Variants in MYO1D observed in about 807,000 individuals in gnomAD.
The protein encoded by MYO1D is unconventional myosin-Id.
Under a neutral mutation model 122.0 loss-of-function variants are expected in MYO1D, and 83 were observed. The ratio of observed to expected loss-of-function variants is 0.68; its 90% CI spans 0.57 to 0.82. MYO1D has a LOEUF of 0.82. MYO1D is among the 40% of genes least tolerant of loss of function. The pLI is 0.00. For synonymous variants in MYO1D, 464 were observed against 446.9 expected (o/e 1.04, Z -0.48); for missense variants, 1,157 against 1,269.5 (o/e 0.91, Z 1.35).
At chr17:32,786,531 A>G (rs865983627) in intron 1 of MYO1D, among the ~76,000 whole-genome samples, 1 of 152,166 alleles carries the variant, frequency 6.6e-6, no homozygotes, top group Non-Finnish European at 1.5e-5. Flanking sequence ...AAAGATGACA[A>G]TCATTAGGCC....
intron 21 of MYO1D, among the ~76,000 whole-genome samples, chr17:32,532,137 A>G (rs1910523435): frequency 6.6e-6 from 1 of 152,216 alleles, no homozygotes; most frequent in African/African-American, 2.4e-5. Flanking sequence ...ACAATTTCCA[A>G]TTTAAGCGGT....
intron 21 of MYO1D, among the ~76,000 whole-genome samples, chr17:32,544,202 C>A (rs1910943785): frequency 6.6e-6 from 1 of 150,644 alleles, no homozygotes; most frequent in Non-Finnish European, 1.5e-5. Flanking sequence ...CTCAGGTGAT[C>A]CTCCCGCCTC....
intron 19 of MYO1D, among the ~76,000 whole-genome samples, chr17:32,645,558 G>A (rs1262968861): frequency 6.6e-6 from 1 of 151,990 alleles, no homozygotes; most frequent in Non-Finnish European, 1.5e-5. Flanking sequence ...CGGAGATTTG[G>A]TCTTTTCACA....
chr17:32,538,698 A>C (rs1047967249), intron 21 of MYO1D, among the ~76,000 whole-genome samples: 5 of 152,140 alleles, frequency 3.3e-5, no homozygotes, highest in African/African-American at 1.2e-4. Flanking sequence ...AATCAACCCA[A>C]ATGACCATCA....
chr17:32,792,088 A>C (rs904242171), intron 1 of MYO1D, among the ~76,000 whole-genome samples: 1 of 152,246 alleles, frequency 6.6e-6, no homozygotes, highest in Non-Finnish European at 1.5e-5. Context: ...TAATATATTT[A>C]ATCAGTCCCT....
In MYO1D at chr17:32,712,064, C is replaced by T. The variant is rs750758460; in HGVS notation, c.2045G>A (p.Arg682Gln). The T allele has an allele frequency of 3.9e-5, 63 of 1,613,882 alleles. No homozygotes were observed. Among genetic ancestry groups the T allele is most frequent in the Non-Finnish European group, 5.1e-5 (60 of 1,180,008 alleles). The change falls in exon 16 of 22, where the codon CGA (arginine) becomes CAA (glutamine). Residue 682 changes from arginine to glutamine, a missense_variant. Arg to Gln is a conservative substitution (Grantham distance 43). Transcript: ENST00000318217. ...VAYGKTKIFI[R>Q]TPRTLFTLEE... is the part of the protein sequence containing the mutation. ...CAAGGTAAACAATGTTCGGGGTGTT[C>T]GAATGAAAATTTTGGTCTTCCCATA...
intron 21 of MYO1D, among the ~76,000 whole-genome samples, chr17:32,554,873 G>A (rs189164591): frequency 6.6e-6 from 1 of 152,206 alleles, no homozygotes; most frequent in African/African-American, 2.4e-5. Flanking sequence ...CTTTTCAAAC[G>A]GGCCAATTAA....
chr17:32,551,404 T>C (rs955164164), intron 21 of MYO1D, among the ~76,000 whole-genome samples: 4 of 152,188 alleles, frequency 2.6e-5, no homozygotes, highest in African/African-American at 9.7e-5. Flanking sequence ...GACTTGGCCA[T>C]GTCTTTTTCT....
intron 21 of MYO1D, among the ~76,000 whole-genome samples, chr17:32,602,173 C>G (rs1333242182): frequency 6.6e-6 from 1 of 152,180 alleles, no homozygotes; most frequent in Non-Finnish European, 1.5e-5. Context: ...CTCTAGTTAA[C>G]TTATAAACAT....
intron 21 of MYO1D, chr17:32,495,395 C>T (rs1434772928): frequency 6.5e-6 from 1 of 153,490 alleles, no homozygotes; most frequent in Non-Finnish European, 1.4e-5. Flanking sequence ...TTGGGTTTCC[C>T]CAAGCGAGAG....
intron 16 of MYO1D, among the ~76,000 whole-genome samples, chr17:32,684,526 T>G (rs144633479): frequency 2.6e-5 from 4 of 152,206 alleles, no homozygotes; most frequent in African/African-American, 9.6e-5. Flanking sequence ...ATATCTTTAT[T>G]TGAAGTTTAA....
At chr17:32,839,437 G>C (rs2090856833) in intron 1 of MYO1D, among the ~76,000 whole-genome samples, 1 of 152,226 alleles carries the variant, frequency 6.6e-6, no homozygotes, top group African/African-American at 2.4e-5. Context: ...GAGAATTTAA[G>C]TGCTTTTAAA....
At chr17:32,776,777 T>C (rs1416411140) in intron 3 of MYO1D, among the ~76,000 whole-genome samples, 6 of 152,250 alleles carry the variant, frequency 3.9e-5, no homozygotes, top group Non-Finnish European at 7.3e-5. Flanking sequence ...AGCCATTTAA[T>C]GCATTCTTTA....
intron 1 of MYO1D, among the ~76,000 whole-genome samples, chr17:32,796,471 G>A (rs754991157): frequency 2.0e-5 from 3 of 152,154 alleles, no homozygotes; most frequent in Non-Finnish European, 4.4e-5. Flanking sequence ...CAGAGCAGTG[G>A]CATGATCGCA....
intron 16 of MYO1D, among the ~76,000 whole-genome samples, chr17:32,688,248 T>A (rs2089046281): frequency 6.6e-6 from 1 of 152,182 alleles, no homozygotes; most frequent in South Asian, 2.1e-4. Context: ...GTAAAATGAT[T>A]CACAATCTTC....
chr17:32,678,593 A>AT (rs560326619), intron 16 of MYO1D, among the ~76,000 whole-genome samples: 380 of 151,434 alleles, frequency 2.5e-3, no homozygotes, highest in African/African-American at 8.9e-3. Context: ...TGAACTCATC[A>AT]TTTTTTATGG....
In MYO1D at chr17:32,691,404, C is replaced by CTT. The variant is rs57902806; in HGVS notation, c.2121+20582_2121+20583dup. Among the ~76,000 whole-genome samples, 97 of 110,414 alleles carry CTT rather than the reference C, an allele frequency of 8.8e-4. 1 individual carries two copies. The highest frequency in any genetic ancestry group is 1.9e-3 in the African/African-American group (53 of 27,644). 72.4% of individuals were successfully genotyped at this position (110,414 alleles called of 152,430 possible). A position where few individuals can be genotyped will look rare whatever the true frequency, so the allele number is the denominator to read the frequency against. ...CATGAGAAATGTTGCAAAGAAAATT[C>CTT]TTTTTTTTTTTTTTTTTTTTGAGAT... On this transcript the variant is annotated intron_variant, in intron 16 of 21. Transcript: ENST00000318217.
At chr17:32,593,701 G>GT (rs1191724154) in intron 21 of MYO1D, among the ~76,000 whole-genome samples, 1 of 152,220 alleles carries the variant, frequency 6.6e-6, no homozygotes, top group Non-Finnish European at 1.5e-5. Context: ...ACTTTGGGAA[G>GT]TTGAGGCGGG....
Position 32,653,931 on chromosome 17 carries a change from T to G in MYO1D, c.2507A>C (p.Gln836Pro), listed in dbSNP as rs1011090563. 5 of 1,613,484 alleles carry G rather than the reference T, an allele frequency of 3.1e-6. No individual in the cohort carries two copies. The African/African-American group carries it at 5.3e-5, about 17-fold the overall frequency. ...AACAGGGACAAAAGTGCCTGAGGTC[T>G]GAGGTGTATCTGGCTTCTGAAAGAG... ...NYLASKPDTP[Q>P]TSGTFVPVAN... The change falls in exon 19 of 22, where the codon CAG becomes CCG. Residue 836 changes from glutamine (Q) to proline (P), a missense_variant. Coordinates refer to ENST00000318217, the MANE Select transcript of MYO1D (RefSeq NM_015194.3).
Sources: allele counts gnomAD v4.1 joint callset (sites outside exome capture counted in the v4.1 genomes callset), GRCh38; gene constraint gnomAD v4.1.1; transcripts MANE v1.5; gene names NCBI Gene and HGNC (gene_info 2026-07-23, HGNC 2026-07-21).